The following METTL14 variants were observed in gnomAD, a reference collection of about 807,000 sequenced individuals.
METTL14 encodes the protein methyltransferase 14, N6-adenosine-methyltransferase non-catalytic subunit.
A neutral mutation model predicts 62.4 loss-of-function variants in METTL14; 32 were observed. The ratio of observed to expected loss-of-function variants is 0.51; its 90% CI spans 0.39 to 0.69. METTL14 has a LOEUF of 0.69. Ranked by LOEUF, METTL14 falls within the 30% of genes least tolerant of loss-of-function variation. The pLI, the probability that METTL14 is intolerant of heterozygous loss-of-function variation, is 0.00. For missense variants in METTL14, 340 were observed against 551.9 expected (o/e 0.62, Z 3.85); for synonymous variants, 150 against 180.0 (o/e 0.83, Z 1.34).
Position 118,715,262 on chromosome 4 carries a change from A to G in METTL14, c.*4960A>G, listed in dbSNP as rs2110415169. On this transcript the variant is annotated 3_prime_UTR_variant, in exon 11 of 11. Transcript: ENST00000388822. ...CTGGGTGTTTATTTTGTTGTTTTTG[A>G]AAGTGGACAAAACCTCAAAGCACAA... 6.6e-6 allele frequency: 1 copy of G among 152,294 alleles called. No individual in the cohort carries two copies. The highest frequency in any genetic ancestry group is 2.1e-4 in the South Asian group (1 of 4,826). 9.4% of individuals were successfully genotyped at this position (152,294 alleles called of 1,614,324 possible).
chr4:118,708,971 T>G (rs1724841829), intron 10 of METTL14, among the ~76,000 whole-genome samples: 1 of 152,212 alleles, frequency 6.6e-6, no homozygotes. Flanking sequence ...TCAGAAAATA[T>G]CCTTATTACA....
intron 6 of METTL14, among the ~76,000 whole-genome samples, chr4:118,696,072 T>C (rs1257136283): frequency 7.3e-6 from 1 of 136,120 alleles, no homozygotes; most frequent in African/African-American, 2.7e-5. Context: ...TGAGCCGAGA[T>C]TGTGCCACTG....
chr4:118,691,051 T>C (rs904132048), intron 3 of METTL14, among the ~76,000 whole-genome samples: 5 of 152,300 alleles, frequency 3.3e-5, no homozygotes, highest in African/African-American at 1.2e-4. Context: ...CCTAATCTCG[T>C]GAATATTGTC....
At chr4:118,690,849 C>T (rs902200792) in intron 3 of METTL14, among the ~76,000 whole-genome samples, 3 of 152,098 alleles carry the variant, frequency 2.0e-5, no homozygotes. Context: ...GCCTGGACTA[C>T]ATTGTAGAAA....
chr4:118,694,158 G>C (rs1724336018), intron 5 of METTL14, among the ~76,000 whole-genome samples: 1 of 149,802 alleles, frequency 6.7e-6, no homozygotes, highest in African/African-American at 2.5e-5. Flanking sequence ...TGTTAAACTG[G>C]ATGCTAGGGG....
chr4:118,687,736 G>A (rs1275411582), intron 1 of METTL14, among the ~76,000 whole-genome samples, 187 bp from the exon 2 acceptor site: 1 of 152,028 alleles, frequency 6.6e-6, no homozygotes, highest in African/African-American at 2.4e-5. Context: ...AATTAATGCG[G>A]TTTTTTTCCA....
In METTL14 at chr4:118,711,396, A is replaced by G. The variant is rs1357994627; in HGVS notation, c.*1094A>G. On this transcript the variant is annotated 3_prime_UTR_variant, in exon 11 of 11. Coordinates refer to ENST00000388822, the MANE Select transcript of METTL14 (RefSeq NM_020961.4). ...TGAAATTATACTATTATCATTCTTG[A>G]TGAATACTTTTCTTATTTTTATGAT... The G allele has an allele frequency of 2.0e-5, 3 of 152,130 alleles. No individual in the cohort carries two copies. Among genetic ancestry groups the G allele is most frequent in the Admixed American group, 6.6e-5 (1 of 15,264 alleles). 9.4% of individuals were successfully genotyped at this position (152,130 alleles called of 1,614,324 possible).
intron 2 of METTL14, among the ~76,000 whole-genome samples, chr4:118,688,739 T>A (rs898902338): frequency 1.3e-5 from 2 of 152,144 alleles, no homozygotes; most frequent in Admixed American, 1.3e-4. Context: ...AGTGGCGCAA[T>A]CTCGGCTCAC....
chr4:118,694,341 A>G (rs571124910), intron 5 of METTL14, 95 bp from the exon 6 acceptor site: 160 of 788,594 alleles, frequency 2.0e-4, no homozygotes, highest in Middle Eastern at 3.6e-4. Flanking sequence ...TGGCATGTGT[A>G]TTATTTTGTT....
At chr4:118,709,874 G>C in intron 10 of METTL14, 124 bp from the exon 11 acceptor site, 1 of 893,794 alleles carries the variant, frequency 1.1e-6, no homozygotes. Flanking sequence ...CTGTAAAAGA[G>C]ATCAGTATTG....
At chr4:118,693,835 A>T (rs567755144) in intron 5 of METTL14, among the ~76,000 whole-genome samples, 1 of 152,328 alleles carries the variant, frequency 6.6e-6, no homozygotes, top group African/African-American at 2.4e-5. Flanking sequence ...TTGAAATGTG[A>T]TCTGCAACCA....
Position 118,685,704 on chromosome 4 carries a change from C to T in METTL14, c.66+104C>T, listed in dbSNP as rs575546244. The T allele has an allele frequency of 4.1e-5, 38 of 931,170 alleles. 1 individual carries two copies. In the South Asian group the frequency reaches 4.9e-4, roughly 12 times the overall value. The allele number at this position is 931,170 out of a possible 1,614,324, so 57.7% of individuals were successfully genotyped here. On this transcript the variant is annotated intron_variant, in intron 1 of 10. Coordinates refer to ENST00000388822, the MANE Select transcript of METTL14 (RefSeq NM_020961.4). ...TTTTCTGTCCCTTCTCTACCTGCCG[C>T]TGTTAAGGCCTTTCTGGTCCTGCGA...
intron 5 of METTL14, among the ~76,000 whole-genome samples, chr4:118,692,379 C>A (rs910811249): frequency 6.6e-6 from 1 of 151,946 alleles, no homozygotes; most frequent in South Asian, 2.1e-4. Context: ...CAGGCACCCC[C>A]CACCGTGCCT....
intron 7 of METTL14, among the ~76,000 whole-genome samples, chr4:118,697,767 C>A (rs1724457468): frequency 6.6e-6 from 1 of 152,086 alleles, no homozygotes; most frequent in South Asian, 2.1e-4. Flanking sequence ...CACATAATTA[C>A]AATTTTGTTG....
At chr4:118,691,659 C>G in intron 4 of METTL14, 47 bp downstream of exon 4, 1 of 934,050 alleles carries the variant, frequency 1.1e-6, no homozygotes, top group Non-Finnish European at 1.6e-6. Context: ...TATTTAAGTT[C>G]TATACCTGAA....
At chr4:118,702,075 T>C (rs1724609009) in intron 8 of METTL14, among the ~76,000 whole-genome samples, 1 of 152,044 alleles carries the variant, frequency 6.6e-6, no homozygotes, top group African/African-American at 2.4e-5. Context: ...GATCTTTCCT[T>C]TCATTCCCCA....
At chr4:118,692,383 C>T (rs904351225) in intron 5 of METTL14, among the ~76,000 whole-genome samples, 1 of 151,926 alleles carries the variant, frequency 6.6e-6, no homozygotes, top group African/African-American at 2.4e-5. Flanking sequence ...CACCCCCCAC[C>T]GTGCCTAGAT....
chr4:118,697,104 C>T (rs972824079), intron 6 of METTL14, 78 bp from the exon 7 acceptor site: 26 of 1,033,150 alleles, frequency 2.5e-5, no homozygotes, highest in Non-Finnish European at 2.9e-5. Flanking sequence ...CTTTCATTAC[C>T]ATCTGTTAAG....
intron 9 of METTL14, 38 bp from the exon 10 acceptor site, chr4:118,705,573 G>T: frequency 6.6e-7 from 1 of 1,520,536 alleles, no homozygotes. Context: ...AATGACTGTT[G>T]ATGAAAACAG....
Sources: gnomAD v4.1 joint callset for allele counts (sites outside exome capture counted in the v4.1 genomes callset) on GRCh38, gnomAD v4.1.1 for gene constraint, MANE v1.5 for transcripts, NCBI Gene and HGNC (gene_info 2026-07-23, HGNC 2026-07-21) for gene names.